Variants in BCKDHB observed in about 807,000 individuals in gnomAD.
BCKDHB encodes the protein branched chain keto acid dehydrogenase E1 subunit beta.
BCKDHB carries 41 observed loss-of-function variants against 48.5 expected under a neutral mutation model. The ratio of observed to expected loss-of-function variants is 0.85; its 90% CI spans 0.66 to 1.10. BCKDHB has a LOEUF of 1.10. BCKDHB is among the 50% of genes least tolerant of loss of function. BCKDHB has a pLI of 0.00. For synonymous variants in BCKDHB, 201 were observed against 174.8 expected, an observed-to-expected ratio of 1.15 and a Z score of -1.18; for missense variants, 496 against 494.2, an observed-to-expected ratio of 1.00 and a Z score of -0.03.
chr6:80,406,155 T>C, the BCKDHB span, among the ~76,000 whole-genome samples: 1 of 152,218 alleles, frequency 6.6e-6, no homozygotes, highest in African/African-American at 2.4e-5. Context: ...GGAAATGAAT[T>C]CATGCTTTTT....
At chr6:80,379,574 A>G in the BCKDHB span, among the ~76,000 whole-genome samples, 1 of 152,084 alleles carries the variant, frequency 6.6e-6, no homozygotes, top group African/African-American at 2.4e-5. Flanking sequence ...CTTATTCAAC[A>G]TAGTACTGGT....
intron 9 of BCKDHB, among the ~76,000 whole-genome samples, chr6:80,276,356 G>A (rs933158759): frequency 6.6e-6 from 1 of 151,790 alleles, no homozygotes; most frequent in African/African-American, 2.4e-5. Context: ...TTATTCAAAA[G>A]TTTAAGTTAC....
In BCKDHB at chr6:80,155,523, A is replaced by G. The variant is rs142651267; in HGVS notation, c.344-12155A>G. On this transcript the variant is annotated intron_variant, in intron 3 of 9. Transcript: ENST00000320393. ...AATTCGATTTCCTTATTTGAAGACTATGGGGTTAGTGGGAAGGTTTTCAAT... is the reference window on the plus strand; with the variant it reads ...AATTCGATTTCCTTATTTGAAGACTGTGGGGTTAGTGGGAAGGTTTTCAAT... Among the ~76,000 whole-genome samples, 279 of 152,244 alleles carry G rather than the reference A, an allele frequency of 1.8e-3. 1 individual carries two copies. Among genetic ancestry groups the G allele is most frequent in the African/African-American group, 6.1e-3 (252 of 41,564 alleles).
At chr6:80,173,796 C>G (rs1773026936) in intron 6 of BCKDHB, among the ~76,000 whole-genome samples, 3 of 134,354 alleles carry the variant, frequency 2.2e-5, no homozygotes, top group Non-Finnish European at 3.2e-5. Context: ...TTGGTTTCTA[C>G]TTTTCCTTTT....
At chr6:80,168,851 C>T in intron 4 of BCKDHB, 24 bp from the exon 5 acceptor site, 5 of 1,612,094 alleles carry the variant, frequency 3.1e-6, no homozygotes, top group Non-Finnish European at 4.2e-6. Flanking sequence ...TGTGCCATGC[C>T]CCGTCTTTCT....
rs1294279056 is a variant in BCKDHB at position 80,235,531 on chromosome 6, T to G, written c.951+32319T>G. 3.9e-5 allele frequency among the ~76,000 whole-genome samples: 6 copies of G among 152,260 alleles called. No homozygotes were observed. In the East Asian group the frequency reaches 7.7e-4, roughly 20 times the overall value. On this transcript the variant is annotated intron_variant, in intron 8 of 9. Transcript: ENST00000320393. ...TCTTCTACAAAGTAGAAGAGATTATTTTTGAATTAGTGTCTGAGCTGGGAC... is the reference window on the plus strand; with the variant it reads ...TCTTCTACAAAGTAGAAGAGATTATGTTTGAATTAGTGTCTGAGCTGGGAC...
At chr6:80,143,114 C>T (rs1004447145) in intron 3 of BCKDHB, among the ~76,000 whole-genome samples, 2 of 152,090 alleles carry the variant, frequency 1.3e-5, no homozygotes, top group Non-Finnish European at 1.5e-5. Context: ...ATTCTCCCAT[C>T]CTGTTTTGTT....
At chr6:80,373,442 G>T in the BCKDHB span, among the ~76,000 whole-genome samples, 1 of 151,948 alleles carries the variant, frequency 6.6e-6, no homozygotes, top group Non-Finnish European at 1.5e-5. Flanking sequence ...TGTTGTTGTT[G>T]TTTAAATTTC....
rs193287901 is a variant in BCKDHB at position 80,252,811 on chromosome 6, T to C, written c.952-20324T>C. ...TAAATATTAAGCATAAAAGATTTAA[T>C]TGGACTGTTACAACCTACTCTCACA... On this transcript the variant is annotated intron_variant, in intron 8 of 9. Transcript: ENST00000320393. Among the ~76,000 whole-genome samples, 9 of 152,326 alleles carry C rather than the reference T, an allele frequency of 5.9e-5. No individual in the cohort carries two copies. The East Asian group carries it at 1.7e-3, about 29-fold the overall frequency.
intron 6 of BCKDHB, among the ~76,000 whole-genome samples, chr6:80,184,086 A>G (rs776272819): frequency 8.5e-5 from 13 of 152,254 alleles, no homozygotes; most frequent in Non-Finnish European, 1.8e-4. Flanking sequence ...ATAAGTTTCA[A>G]CTTATTCATC....
At chr6:80,458,583 C>T in the BCKDHB span, among the ~76,000 whole-genome samples, 1 of 152,148 alleles carries the variant, frequency 6.6e-6, no homozygotes, top group Admixed American at 6.5e-5. Context: ...CTCTTTAAGC[C>T]TCAGGTGCTT....
At chr6:80,425,333 A>G in the BCKDHB span, among the ~76,000 whole-genome samples, 1 of 152,208 alleles carries the variant, frequency 6.6e-6, no homozygotes, top group Non-Finnish European at 1.5e-5. Flanking sequence ...TTGTGCAACC[A>G]CTGAGCTGCC....
intron 6 of BCKDHB, among the ~76,000 whole-genome samples, chr6:80,178,927 A>G (rs1383755572): frequency 6.6e-6 from 1 of 152,214 alleles, no homozygotes; most frequent in Non-Finnish European, 1.5e-5. Context: ...TATTGAATGG[A>G]GGACATAAAT....
chr6:80,206,918 C>T (rs1217006575), intron 8 of BCKDHB, among the ~76,000 whole-genome samples: 30 of 152,020 alleles, frequency 2.0e-4, no homozygotes, highest in Admixed American at 2.0e-3. Flanking sequence ...AAGAAAACCA[C>T]ACCTGTATGC....
intron 9 of BCKDHB, among the ~76,000 whole-genome samples, chr6:80,300,369 T>C (rs1232506767): frequency 6.6e-6 from 1 of 152,140 alleles, no homozygotes; most frequent in Admixed American, 6.5e-5. Context: ...ACTATTCTTA[T>C]ATCAGTAAAA....
chr6:80,393,990 C>T, the BCKDHB span, among the ~76,000 whole-genome samples: 1 of 152,146 alleles, frequency 6.6e-6, no homozygotes, highest in African/African-American at 2.4e-5. Flanking sequence ...AGAATTATAG[C>T]TTACAATATT....
the BCKDHB span, among the ~76,000 whole-genome samples, chr6:80,442,341 A>G: frequency 6.6e-6 from 1 of 152,212 alleles, no homozygotes; most frequent in Non-Finnish European, 1.5e-5. Flanking sequence ...TACTTATATT[A>G]TAGTAGACCA....
At chr6:80,217,118 T>C (rs1775208377) in intron 8 of BCKDHB, among the ~76,000 whole-genome samples, 1 of 152,078 alleles carries the variant, frequency 6.6e-6, no homozygotes, top group African/African-American at 2.4e-5. Context: ...GGCTGGCACC[T>C]ATAATCCCAG....
intron 1 of BCKDHB, among the ~76,000 whole-genome samples, chr6:80,108,651 A>C (rs1769257466): frequency 6.6e-6 from 1 of 151,938 alleles, no homozygotes; most frequent in African/African-American, 2.4e-5. Flanking sequence ...CACCAGGTCA[A>C]GAGATCGAGA....
Sources: allele counts gnomAD v4.1 joint callset (sites outside exome capture counted in the v4.1 genomes callset), GRCh38; gene constraint gnomAD v4.1.1; transcripts MANE v1.5; gene names NCBI Gene and HGNC (gene_info 2026-07-23, HGNC 2026-07-21).